PRRC2C: variants seen among roughly 807,000 people sequenced by gnomAD.
The protein encoded by PRRC2C is protein PRRC2C.
PRRC2C carries 72 observed loss-of-function variants against 317.2 expected under a neutral mutation model. The ratio of observed to expected loss-of-function variants is 0.23; its 90% confidence interval spans 0.19 to 0.28. The LOEUF is 0.28. Ranked by LOEUF, PRRC2C falls within the 10% of genes least tolerant of loss-of-function variation. The pLI, the probability that PRRC2C is intolerant of heterozygous loss-of-function variation, is 1.00. For missense variants in PRRC2C, 3,074 were observed against 3,459.7 expected (o/e 0.89, Z 2.80); for synonymous variants, 1,296 against 1,205.9 (o/e 1.07, Z -1.55).
At chr1:171,567,333 C>T (rs532656202) in intron 22 of PRRC2C, among the ~76,000 whole-genome samples, 1 of 152,036 alleles carries the variant, frequency 6.6e-6, no homozygotes, top group Non-Finnish European at 1.5e-5. Context: ...AAACGTGTAT[C>T]TAAAAATGCT....
chr1:171,545,709 T>TTTCATTTA, intron 17 of PRRC2C, 22 bp downstream of exon 17: 1 of 804,366 alleles, frequency 1.2e-6, no homozygotes, highest in African/African-American at 2.0e-5. Context: ...GTTTCTTTCA[T>TTTCATTTA]TTTATTTATT....
intron 1 of PRRC2C, among the ~76,000 whole-genome samples, chr1:171,486,973 A>T (rs1666244817): frequency 6.6e-6 from 1 of 152,178 alleles, no homozygotes; most frequent in Non-Finnish European, 1.5e-5. Flanking sequence ...TTGATCCCCT[A>T]AAAAATTAGG....
intron 1 of PRRC2C, among the ~76,000 whole-genome samples, chr1:171,502,506 C>G (rs1571611835): frequency 1.3e-5 from 2 of 152,090 alleles, no homozygotes; most frequent in South Asian, 4.1e-4. Context: ...CTTTGCTGCC[C>G]CTTTTTACCC....
chr1:171,557,532 C>A lies in PRRC2C; in HGVS notation c.5420C>A (p.Pro1807His). The change falls in exon 19 of 35, where the codon CCC becomes CAC. Residue 1807 changes from proline (P) to histidine (H), a missense_variant. By Grantham distance (77) the Pro-to-His change is moderately conservative. Transcript: ENST00000647382. ...ASTSAPVPAS[P>H]LAPVSASASV... ...ACCTCAGCTCCAGTTCCAGCCTCAC[C>A]CTTAGCTCCAGTTTCAGCCTCAGCC... 1 of 1,551,596 alleles carries A rather than the reference C, an allele frequency of 6.4e-7. No individual in the cohort carries two copies. The highest frequency in any genetic ancestry group is 8.7e-7 in the Non-Finnish European group (1 of 1,146,966).
At position 171,532,909 on chromosome 1, in the gene PRRC2C, T is replaced by A; in HGVS notation, c.1821T>A (p.Pro607=). 6.4e-7 allele frequency: 1 copy of A among 1,574,728 alleles called. No individual in the cohort carries two copies. Among genetic ancestry groups the A allele is most frequent in the Non-Finnish European group, 8.5e-7 (1 of 1,170,748 alleles). Residue 607 remains proline, a synonymous_variant, in exon 12 of 35, where the codon CCT becomes CCA. Coordinates refer to ENST00000647382, the MANE Select transcript of PRRC2C (RefSeq NM_001387844.1). Reference sequence around the variant, plus strand: ...AGGAGAAAATTGAACCCAGAGAACCTAATTTAGAGCCCATGGTAGAAAAAC... The same window carrying A: ...AGGAGAAAATTGAACCCAGAGAACCAAATTTAGAGCCCATGGTAGAAAAAC... ...KLEEKIEPRE[P]NLEPMVEKQE...
At chr1:171,559,058 TGA>T (rs1682040993) in intron 19 of PRRC2C, among the ~76,000 whole-genome samples, 1 of 152,168 alleles carries the variant, frequency 6.6e-6, no homozygotes, top group South Asian at 2.1e-4. Flanking sequence ...CTGTGATGCC[TGA>T]GAGAGGTGAG....
In PRRC2C at chr1:171,492,595, G is replaced by T. The variant is rs183184803; in HGVS notation, c.-58+6860G>T. On this transcript the variant is annotated intron_variant, in intron 1 of 34. Transcript: ENST00000647382. Reference sequence around the variant, plus strand: ...GGGACTAACAGGTTGCCTGAGGAGGGGTGAACTGGTCCAGGTTGGCAACAG... The same window carrying T: ...GGGACTAACAGGTTGCCTGAGGAGGTGTGAACTGGTCCAGGTTGGCAACAG... Among the ~76,000 whole-genome samples, 331 of 152,132 alleles carry T rather than the reference G, an allele frequency of 2.2e-3. 1 individual carries two copies. Among genetic ancestry groups the T allele is most frequent in the African/African-American group, 7.7e-3 (321 of 41,464 alleles).
In PRRC2C at chr1:171,545,583, C is replaced by T; in HGVS notation, c.4868C>T (p.Ser1623Phe). The change falls in exon 17 of 35, where the codon TCC becomes TTC. Residue 1623 changes from serine (S) to phenylalanine (F), a missense_variant. Ser to Phe is a radical substitution (Grantham distance 155). Around this residue, in one of 11 missense-constraint regions of PRRC2C, gnomAD observed 178 missense variants for 163.0 expected, o/e 1.09. Coordinates refer to ENST00000647382, the MANE Select transcript of PRRC2C (RefSeq NM_001387844.1). ...GVPNGTGQKN[S>F]KDSTGKKRED... ...CCTAATGGTACAGGACAAAAGAACTCCAAAGATTCTACTGGGAAAAAAAGA... is the reference window on the plus strand; with the variant it reads ...CCTAATGGTACAGGACAAAAGAACTTCAAAGATTCTACTGGGAAAAAAAGA... 1.2e-6 allele frequency: 2 copies of T among 1,610,048 alleles called. No individual in the cohort carries two copies. The highest frequency in any genetic ancestry group is 2.2e-5 in the East Asian group (1 of 44,768).
In PRRC2C at chr1:171,591,912, A is replaced by G; in HGVS notation, c.*65A>G. The stretch of plus-strand genomic sequence containing the variant: ...AAAACATGGAGAATTAAGTCAGATA[A>G]TGCTGGCAGCCAAAGGGGCAAAATG... On this transcript the variant is annotated 3_prime_UTR_variant, in exon 35 of 35. Transcript: ENST00000647382. 2 of 1,515,178 alleles carry G rather than the reference A, an allele frequency of 1.3e-6. No individual in the cohort carries two copies. The highest frequency in any genetic ancestry group is 1.8e-6 in the Non-Finnish European group (2 of 1,124,096). The allele number at this position is 1,515,178 out of a possible 1,614,324, so 93.9% of individuals were successfully genotyped here. A position where few individuals can be genotyped will look rare whatever the true frequency, so the allele number is the denominator to read the frequency against.
chr1:171,535,928 C>A, intron 13 of PRRC2C, 101 bp from the exon 14 acceptor site: 1 of 1,413,922 alleles, frequency 7.1e-7, no homozygotes. Context: ...CTTACTTTTC[C>A]TTCAAGGATT....
chr1:171,541,610 T>G lies in PRRC2C; in HGVS notation c.4144T>G (p.Ser1382Ala). ...YRDNQWNPRQ[S>A]EVPKPEDGEP... ...GGACAATCAGTGGAACCCAAGGCAG[T>G]CAGAAGTTCCTAAACCAGAAGATGG... The change falls in exon 16 of 35, where the codon TCA becomes GCA. Residue 1382 changes from serine (S) to alanine (A), a missense_variant. Around this residue, in one of 11 missense-constraint regions of PRRC2C, gnomAD observed 1,320 missense variants for 1,395.7 expected, o/e 0.95. Coordinates refer to ENST00000647382, the MANE Select transcript of PRRC2C (RefSeq NM_001387844.1). The surrounding 1 kb of genome is among the most constrained non-coding windows in gnomAD (Gnocchi z 4.1). 1 of 1,613,654 alleles carries G rather than the reference T, an allele frequency of 6.2e-7. No individual in the cohort carries two copies. The highest frequency in any genetic ancestry group is 8.5e-7 in the Non-Finnish European group (1 of 1,179,840).
chr1:171,537,531 G>A, intron 15 of PRRC2C, 58 bp downstream of exon 15: 1 of 1,419,298 alleles, frequency 7.0e-7, no homozygotes, highest in Non-Finnish European at 9.6e-7. Context: ...AAGGAAAACT[G>A]TGTAGTGTTT....
At chr1:171,492,018 AG>A (rs1368208464) in intron 1 of PRRC2C, among the ~76,000 whole-genome samples, 2 of 150,852 alleles carry the variant, frequency 1.3e-5, no homozygotes, top group African/African-American at 4.8e-5. Context: ...AAAATGGAAC[AG>A]TGGCATTTTA....
chr1:171,586,681 A>C (rs189272289), intron 30 of PRRC2C, among the ~76,000 whole-genome samples: 96 of 151,498 alleles, frequency 6.3e-4, no homozygotes, highest in Non-Finnish European at 1.3e-3. Flanking sequence ...CCTGGGTCCA[A>C]GTGATTCTCA....
At chr1:171,501,923 C>CAAA (rs1669183936) in intron 1 of PRRC2C, among the ~76,000 whole-genome samples, 1 of 152,178 alleles carries the variant, frequency 6.6e-6, no homozygotes, top group Non-Finnish European at 1.5e-5. Flanking sequence ...CTAGCTTTTT[C>CAAA]CTCCAGTGGC....
At chr1:171,536,406 A>C (rs1335611958) in intron 14 of PRRC2C, 128 bp downstream of exon 14, 2 of 1,064,114 alleles carry the variant, frequency 1.9e-6, no homozygotes, top group Non-Finnish European at 1.3e-6. Flanking sequence ...AAAATGATGT[A>C]ACTTTCAGCA....
At chr1:171,550,276 A>G (rs754461553) in intron 18 of PRRC2C, 36 bp downstream of exon 18, 2 of 1,510,636 alleles carry the variant, frequency 1.3e-6, no homozygotes, top group Non-Finnish European at 1.8e-6. Context: ...CTAGTTATCT[A>G]GATTTGTTGC....
Position 171,541,395 on chromosome 1 carries a change from A to T in PRRC2C, c.3929A>T (p.Asp1310Val). ...PVKPHSSFKP[D>V]NHVRIDNRLL... ...AAGCCTCATTCTTCTTTCAAGCCTG[A>T]TAATCATGTTCGAATAGATAATAGA... The change falls in exon 16 of 35, where the codon GAT (aspartate) becomes GTT (valine). Residue 1310 changes from aspartate to valine, a missense_variant. By Grantham distance (152) the Asp-to-Val change is radical (BLOSUM62 -3). Transcript: ENST00000647382. This position sits in a 1 kb window ranked among gnomAD's most constrained non-coding sequence, Gnocchi z 4.1. 3.1e-6 allele frequency: 5 copies of T among 1,613,476 alleles called. No homozygotes were observed. Among genetic ancestry groups the T allele is most frequent in the Non-Finnish European group, 4.2e-6 (5 of 1,179,758 alleles).
At chr1:171,542,822 G>A (rs1048637850) in intron 16 of PRRC2C, among the ~76,000 whole-genome samples, 4 of 151,920 alleles carry the variant, frequency 2.6e-5, no homozygotes, top group Admixed American at 1.3e-4. Flanking sequence ...GTGCAGTGGC[G>A]TGATCTCGGC....
Sources: allele counts gnomAD v4.1 joint callset (sites outside exome capture counted in the v4.1 genomes callset), GRCh38; gene constraint gnomAD v4.1.1; regional missense constraint gnomAD v4.1.1; non-coding constraint Gnocchi (gnomAD v3.1); transcripts MANE v1.5; gene names NCBI Gene and HGNC (gene_info 2026-07-23, HGNC 2026-07-21).